The following KCND3 variants were observed in gnomAD, a reference collection of about 807,000 sequenced individuals.
KCND3 encodes potassium voltage-gated channel subfamily D member 3, also known as A-type voltage-gated potassium channel KCND3.
In KCND3, 9 loss-of-function variants were observed where a neutral mutation model predicts 51.1. The ratio of observed to expected loss-of-function variants is 0.18; its 90% CI spans 0.11 to 0.31. The LOEUF (loss-of-function observed/expected upper bound fraction) is 0.31. Ranked by LOEUF, KCND3 falls within the 10% of genes least tolerant of loss-of-function variation. KCND3 has a pLI of 1.00. For missense variants in KCND3, 526 were observed against 903.8 expected (o/e 0.58, Z 5.36); for synonymous variants, 349 against 368.0 (o/e 0.95, Z 0.59).
At position 111,853,061 on chromosome 1, in the gene KCND3, G is replaced by A. The variant is rs555815739; in HGVS notation, c.1107-65955C>T. Among the ~76,000 whole-genome samples, 3 of 152,294 alleles carry A rather than the reference G, an allele frequency of 2.0e-5. No homozygotes were observed. In the South Asian group the frequency reaches 6.2e-4, roughly 32 times the overall value. On this transcript the variant is annotated intron_variant, in intron 2 of 7. Coordinates refer to ENST00000302127, the MANE Select transcript of KCND3 (RefSeq NM_001378969.1). ...ACATGAATTATCCACTGATCCTCAC[G>A]GCAATGCTATGAGATAGGTAATGAT...
At chr1:111,843,892 G>A (rs1667437146) in intron 2 of KCND3, among the ~76,000 whole-genome samples, 1 of 152,172 alleles carries the variant, frequency 6.6e-6, no homozygotes, top group South Asian at 2.1e-4. Context: ...AGCTTGGTGG[G>A]TAGGCAGGTT....
intron 2 of KCND3, among the ~76,000 whole-genome samples, chr1:111,942,503 A>G (rs1163616114): frequency 6.6e-6 from 1 of 152,210 alleles, no homozygotes; most frequent in East Asian, 1.9e-4. Context: ...AGCCAAGGGA[A>G]CAGCCAGTGG....
At chr1:111,826,635 T>A (rs1477906145) in intron 2 of KCND3, among the ~76,000 whole-genome samples, 1 of 152,206 alleles carries the variant, frequency 6.6e-6, no homozygotes, top group Non-Finnish European at 1.5e-5. Context: ...TGGTTTACTA[T>A]GTCAACGAGT....
At chr1:111,950,055 T>C (rs543658423) in intron 2 of KCND3, among the ~76,000 whole-genome samples, 62 of 152,086 alleles carry the variant, frequency 4.1e-4, no homozygotes, top group African/African-American at 1.4e-3. Context: ...GGATTACAGG[T>C]GCATGCCACC....
chr1:111,890,153 C>T (rs1669763335), intron 2 of KCND3, among the ~76,000 whole-genome samples: 1 of 152,174 alleles, frequency 6.6e-6, no homozygotes, highest in African/African-American at 2.4e-5. Context: ...GGAAAATATG[C>T]TCTGCCTTAA....
Position 111,982,081 on chromosome 1 carries a change from G to T in KCND3, c.646C>A (p.Leu216Met). Residue 216 changes from leucine (L) to methionine (M), a missense_variant, in exon 2 of 8, where the codon CTG becomes ATG. Leu to Met is a conservative substitution (Grantham distance 15, BLOSUM62 2). Coordinates refer to ENST00000302127, the MANE Select transcript of KCND3 (RefSeq NM_001378969.1). The surrounding 1 kb of genome is among the most constrained non-coding windows in gnomAD (Gnocchi z 8.5). Reference protein sequence around the residue: ...PCGTVPGSKELPCGERYSVAF... With the variant: ...PCGTVPGSKEMPCGERYSVAF... ...ACCGAGTAGCGCTCCCCGCACGGCA[G>T]CTCCTTGCTGCCCGGGACCGTGCCG... is the stretch of plus-strand genomic sequence containing the variant. The T allele has an allele frequency of 1.2e-6, 2 of 1,613,726 alleles. No individual in the cohort carries two copies. Among genetic ancestry groups the T allele is most frequent in the African/African-American group, 1.3e-5 (1 of 74,990 alleles).
intron 2 of KCND3, among the ~76,000 whole-genome samples, chr1:111,813,098 G>T (rs1239394605): frequency 6.6e-6 from 1 of 152,176 alleles, no homozygotes; most frequent in Non-Finnish European, 1.5e-5. Flanking sequence ...AGACAAGCAG[G>T]TGAGGAGTTT....
At chr1:111,852,393 G>A (rs1667859764) in intron 2 of KCND3, among the ~76,000 whole-genome samples, 3 of 152,198 alleles carry the variant, frequency 2.0e-5, no homozygotes, top group South Asian at 2.1e-4. Context: ...TTTGTGGGCC[G>A]GCAGGGACTA....
At chr1:111,782,075 A>G (rs1415025824) in intron 3 of KCND3, among the ~76,000 whole-genome samples, 1 of 152,150 alleles carries the variant, frequency 6.6e-6, no homozygotes, top group Non-Finnish European at 1.5e-5. Flanking sequence ...GGCTCTGAGC[A>G]AGTCCACATG....
intron 2 of KCND3, among the ~76,000 whole-genome samples, chr1:111,848,564 A>G (rs1246668516): frequency 6.6e-6 from 1 of 152,166 alleles, no homozygotes; most frequent in African/African-American, 2.4e-5. Context: ...GGCCTCAGAA[A>G]CCGTGGACTC....
intron 2 of KCND3, among the ~76,000 whole-genome samples, chr1:111,788,648 A>T (rs1202472980): frequency 6.6e-6 from 1 of 152,198 alleles, no homozygotes; most frequent in Non-Finnish European, 1.5e-5. Flanking sequence ...GGCCTGTGCT[A>T]GAGCCTTCTA....
intron 2 of KCND3, among the ~76,000 whole-genome samples, chr1:111,968,039 G>A (rs1674102672): frequency 6.6e-6 from 1 of 152,198 alleles, no homozygotes; most frequent in African/African-American, 2.4e-5. Flanking sequence ...CTCCTCGGAT[G>A]AGAAGCTGAC....
chr1:111,954,876 T>C (rs1334840961), intron 2 of KCND3, among the ~76,000 whole-genome samples: 2 of 152,256 alleles, frequency 1.3e-5, no homozygotes, highest in Admixed American at 6.5e-5. Flanking sequence ...AATGCACTTA[T>C]ATACAATATG....
intron 2 of KCND3, among the ~76,000 whole-genome samples, chr1:111,899,629 C>T (rs1240123472): frequency 6.6e-6 from 1 of 152,176 alleles, no homozygotes; most frequent in Non-Finnish European, 1.5e-5. Context: ...CTAGACCACC[C>T]CTTAAAAGTC....
chr1:111,798,200 TGCC>T (rs1314788692), intron 2 of KCND3, among the ~76,000 whole-genome samples: 79 of 152,318 alleles, frequency 5.2e-4, no homozygotes, highest in South Asian at 1.0e-3. Context: ...CACATGCTTC[TGCC>T]ACACTGTATG....
intron 2 of KCND3, among the ~76,000 whole-genome samples, chr1:111,927,425 T>G (rs1671757015): frequency 6.6e-6 from 1 of 152,226 alleles, no homozygotes; most frequent in South Asian, 2.1e-4. Context: ...GCCTCCCTCT[T>G]TTTGGCTATA....
rs80002256 is a variant in KCND3, at chr1:111,921,071, C to G, written c.1106+60550G>C. On this transcript the variant is annotated intron_variant, in intron 2 of 7. Coordinates refer to ENST00000302127, the MANE Select transcript of KCND3 (RefSeq NM_001378969.1). The stretch of plus-strand genomic sequence containing the variant: ...GGCTGGAAAGAGTAAGGAAAACTAA[C>G]ATGGTTGAACTCCTACACTTAGCCA... Among the ~76,000 whole-genome samples, 420 of 152,284 alleles carry G rather than the reference C, an allele frequency of 2.8e-3. 2 individuals carry two copies. Among genetic ancestry groups the G allele is most frequent in the African/African-American group, 9.6e-3 (398 of 41,550 alleles).
chr1:111,984,876 C>T (rs1056984192), intron 1 of KCND3, among the ~76,000 whole-genome samples: 17 of 152,334 alleles, frequency 1.1e-4, no homozygotes, highest in African/African-American at 4.1e-4. Flanking sequence ...GCTTCCTCCT[C>T]TCCTCACTAT....
Position 111,780,783 on chromosome 1 carries a change from G to A in KCND3, c.1278C>T (p.Arg426=). 1 of 1,613,024 alleles carries A rather than the reference G, an allele frequency of 6.2e-7. No homozygotes were observed. Among genetic ancestry groups the A allele is most frequent in the Non-Finnish European group, 8.5e-7 (1 of 1,179,648 alleles). The change falls in exon 4 of 8, where the codon CGC becomes CGT. Residue 426 remains arginine, a synonymous_variant. Transcript: ENST00000302127. The surrounding 1 kb of genome is among the most constrained non-coding windows in gnomAD (Gnocchi z 4.2). ...ADKRRAQKKA[R]LARIRVAKTG... ...TTTTGGCCACACGGATCCTGGCAAG[G>A]CGGGCCTTCTGTGATTGGCAGAGAT...
Sources: allele counts gnomAD v4.1 joint callset (sites outside exome capture counted in the v4.1 genomes callset), GRCh38; gene constraint gnomAD v4.1.1; non-coding constraint Gnocchi (gnomAD v3.1); transcripts MANE v1.5; gene names NCBI Gene and HGNC (gene_info 2026-07-23, HGNC 2026-07-21).